Variants in LRRC4C observed in about 807,000 individuals in gnomAD.
The protein encoded by LRRC4C is leucine-rich repeat-containing protein 4C.
Under a neutral mutation model 33.6 loss-of-function variants are expected in LRRC4C, and 5 were observed. That is an observed-to-expected ratio of 0.15 (90% CI 0.08 to 0.31). LRRC4C has a LOEUF of 0.31. Ranked by LOEUF, LRRC4C falls within the 10% of genes least tolerant of loss-of-function variation. The pLI, the probability that LRRC4C is intolerant of heterozygous loss-of-function variation, is 1.00. For synonymous variants in LRRC4C, 329 were observed against 302.0 expected (o/e 1.09, Z -0.93); for missense variants, 560 against 796.7 (o/e 0.70, Z 3.58).
chr11:40,369,486 G>A (rs1039043130), intron 3 of LRRC4C, among the ~76,000 whole-genome samples: 14 of 152,102 alleles, frequency 9.2e-5, no homozygotes, highest in Non-Finnish European at 1.6e-4. Context: ...TTACAGGCAT[G>A]CACCACCATG....
chr11:41,160,391 A>T (rs1944416659), intron 1 of LRRC4C, among the ~76,000 whole-genome samples: 1 of 151,958 alleles, frequency 6.6e-6, no homozygotes, highest in Non-Finnish European at 1.5e-5. Context: ...AAAAAAAAAA[A>T]AAAAATACAT....
At chr11:40,491,966 T>G (rs1030608126) in intron 3 of LRRC4C, among the ~76,000 whole-genome samples, 2 of 152,144 alleles carry the variant, frequency 1.3e-5, no homozygotes, top group Non-Finnish European at 2.9e-5. Flanking sequence ...AGAACTTGGT[T>G]TAATATTACC....
chr11:41,013,354 T>A (rs960731885), intron 1 of LRRC4C, among the ~76,000 whole-genome samples: 1 of 152,306 alleles, frequency 6.6e-6, no homozygotes, highest in Admixed American at 6.5e-5. Context: ...GTGACTTGAG[T>A]TCTCCTTTGA....
chr11:41,000,343 G>A (rs1259355654), intron 1 of LRRC4C, among the ~76,000 whole-genome samples: 2 of 152,112 alleles, frequency 1.3e-5, no homozygotes, highest in African/African-American at 4.8e-5. Flanking sequence ...TATAATCCAT[G>A]TTTAATTATT....
At chr11:40,570,424 G>A (rs1163638622) in intron 3 of LRRC4C, among the ~76,000 whole-genome samples, 1 of 152,116 alleles carries the variant, frequency 6.6e-6, no homozygotes, top group Non-Finnish European at 1.5e-5. Flanking sequence ...AAGACTGCCA[G>A]GAAAAGTAAT....
chr11:40,829,785 T>C (rs573974475), intron 2 of LRRC4C, among the ~76,000 whole-genome samples: 7 of 152,038 alleles, frequency 4.6e-5, no homozygotes, highest in Non-Finnish European at 1.0e-4. Flanking sequence ...TCAACCACTG[T>C]GTCAGGTGCT....
intron 4 of LRRC4C, among the ~76,000 whole-genome samples, chr11:40,246,785 TTAATC>T (rs1439757239): frequency 1.9e-4 from 29 of 152,176 alleles, no homozygotes; most frequent in Non-Finnish European, 2.8e-4. Context: ...TGATTTAACT[TTAATC>T]TAAAAAATAA....
At chr11:41,253,813 C>G (rs1040996913) in intron 1 of LRRC4C, among the ~76,000 whole-genome samples, 2 of 152,084 alleles carry the variant, frequency 1.3e-5, no homozygotes, top group Non-Finnish European at 1.5e-5. Context: ...ACTCTGCACT[C>G]TAAAAGAGTC....
chr11:41,090,537 T>G lies in LRRC4C; in HGVS notation c.-495-156814A>C, dbSNP rs115156539. Among the ~76,000 whole-genome samples, 753 of 152,228 alleles carry G rather than the reference T, an allele frequency of 4.9e-3. 6 individuals are homozygous for G. Among genetic ancestry groups the G allele is most frequent in the African/African-American group, 0.018 (728 of 41,566 alleles). On this transcript the variant is annotated intron_variant, in intron 1 of 6. Transcript: ENST00000528697. ...AGGGCACAAGACAAACTTACCCAAATGAATTTTTCTACCACTGACTAATGC... is the reference window on the plus strand; with the variant it reads ...AGGGCACAAGACAAACTTACCCAAAGGAATTTTTCTACCACTGACTAATGC...
chr11:40,802,340 A>T (rs909887139), intron 2 of LRRC4C, among the ~76,000 whole-genome samples: 1 of 151,626 alleles, frequency 6.6e-6, no homozygotes, highest in African/African-American at 2.4e-5. Flanking sequence ...ATAAATGGTA[A>T]TTTTAAAAAA....
At chr11:40,508,048 C>T (rs752058064) in intron 3 of LRRC4C, among the ~76,000 whole-genome samples, 53 of 152,234 alleles carry the variant, frequency 3.5e-4, no homozygotes, top group African/African-American at 8.4e-4. Context: ...TGAAACACTG[C>T]ACCCAGCCCA....
intron 2 of LRRC4C, among the ~76,000 whole-genome samples, chr11:40,712,075 T>C (rs937354883): frequency 5.9e-5 from 9 of 152,156 alleles, no homozygotes; most frequent in African/African-American, 2.2e-4. Flanking sequence ...CAAGGATACA[T>C]TGTTGTCACT....
At chr11:40,506,234 G>A (rs1955026136) in intron 3 of LRRC4C, among the ~76,000 whole-genome samples, 2 of 152,130 alleles carry the variant, frequency 1.3e-5, no homozygotes, top group Non-Finnish European at 2.9e-5. Flanking sequence ...TGAAGTAGAA[G>A]TTACTACATG....
chr11:40,967,501 A>G (rs1199525907), intron 1 of LRRC4C, among the ~76,000 whole-genome samples: 4 of 152,042 alleles, frequency 2.6e-5, no homozygotes, highest in Non-Finnish European at 5.9e-5. Flanking sequence ...AAACAAATCT[A>G]TCAGTACCAT....
intron 3 of LRRC4C, among the ~76,000 whole-genome samples, chr11:40,386,882 G>A (rs1412427725): frequency 6.6e-6 from 1 of 151,890 alleles, no homozygotes. Flanking sequence ...TGTTTCCTTG[G>A]GTTTATCATT....
At chr11:40,885,429 C>T (rs563352811) in intron 2 of LRRC4C, among the ~76,000 whole-genome samples, 1 of 152,142 alleles carries the variant, frequency 6.6e-6, no homozygotes, top group African/African-American at 2.4e-5. Flanking sequence ...TTCCCATTAT[C>T]CATAGCCATC....
intron 3 of LRRC4C, among the ~76,000 whole-genome samples, chr11:40,408,383 C>T (rs937812053): frequency 6.6e-6 from 1 of 151,914 alleles, no homozygotes; most frequent in Non-Finnish European, 1.5e-5. Flanking sequence ...TGTTTAAACA[C>T]CTAACACATT....
chr11:40,717,766 C>T (rs1946804338), intron 2 of LRRC4C, among the ~76,000 whole-genome samples: 1 of 152,088 alleles, frequency 6.6e-6, no homozygotes, highest in Admixed American at 6.5e-5. Flanking sequence ...AGCTAAATAG[C>T]AGGGGGAATA....
At chr11:40,423,107 G>A (rs540485606) in intron 3 of LRRC4C, among the ~76,000 whole-genome samples, 44 of 152,088 alleles carry the variant, frequency 2.9e-4, no homozygotes, top group African/African-American at 9.2e-4. Flanking sequence ...GTTCAGTAAG[G>A]TCACCTGGGT....
Sources: gnomAD v4.1 joint callset for allele counts (sites outside exome capture counted in the v4.1 genomes callset) on GRCh38, gnomAD v4.1.1 for gene constraint, MANE v1.5 for transcripts, NCBI Gene and HGNC (gene_info 2026-07-23, HGNC 2026-07-21) for gene names.